TFEB: variants seen among roughly 807,000 people sequenced by gnomAD.
The protein encoded by TFEB is transcription factor EB.
A neutral mutation model predicts 48.0 loss-of-function variants in TFEB; 12 were observed. That is an observed-to-expected ratio of 0.25 (90% CI 0.16 to 0.40). The LOEUF (loss-of-function observed/expected upper bound fraction) is 0.40, where lower values mean the gene tolerates loss of function less well. Among genes scored for constraint, TFEB ranks in the 10% least tolerant of loss-of-function variants. TFEB has a pLI of 1.00. For synonymous variants in TFEB, 244 were observed against 261.4 expected (o/e 0.93, Z 0.64); for missense variants, 509 against 640.3 (o/e 0.79, Z 2.21).
intron 4 of TFEB, among the ~76,000 whole-genome samples, chr6:41,689,308 G>C (rs1448482337): frequency 6.6e-6 from 1 of 152,160 alleles, no homozygotes; most frequent in African/African-American, 2.4e-5. Context: ...ACACAGACAG[G>C]CTTTTGCCTG....
At chr6:41,704,026 A>T (rs1770075393) in intron 1 of TFEB, among the ~76,000 whole-genome samples, 1 of 152,180 alleles carries the variant, frequency 6.6e-6, no homozygotes, top group Non-Finnish European at 1.5e-5. Context: ...TCTTGAGCCC[A>T]TCAGTGAAGG....
chr6:41,718,833 A>G (rs1422191738), intron 1 of TFEB, among the ~76,000 whole-genome samples: 1 of 152,186 alleles, frequency 6.6e-6, no homozygotes, highest in Non-Finnish European at 1.5e-5. Flanking sequence ...AGCAGGCCCA[A>G]ACACAATCCG....
intron 4 of TFEB, among the ~76,000 whole-genome samples, chr6:41,689,464 C>T (rs1188530763): frequency 1.3e-5 from 2 of 152,196 alleles, no homozygotes. Flanking sequence ...TGGAAAGCTC[C>T]CCCCACAGGC....
chr6:41,690,347 C>A (rs1769234228), intron 3 of TFEB, among the ~76,000 whole-genome samples: 1 of 152,080 alleles, frequency 6.6e-6, no homozygotes. Flanking sequence ...CCAGGCTGTT[C>A]TCAAACTCCT....
chr6:41,732,591 A>C, intron 1 of TFEB: 1 of 985,808 alleles, frequency 1.0e-6, no homozygotes, highest in Non-Finnish European at 1.2e-6. Context: ...CACACACACA[A>C]ACTCACAACC....
chr6:41,690,656 C>CA lies in TFEB; in HGVS notation c.468+6dup, dbSNP rs1477840376. 1 of 1,513,400 alleles carries CA rather than the reference C, an allele frequency of 6.6e-7. No homozygotes were observed. The highest frequency in any genetic ancestry group is 1.4e-5 in the African/African-American group (1 of 72,180). 93.7% of individuals were successfully genotyped at this position (1,513,400 alleles called of 1,614,324 possible). On this transcript the variant is annotated splice_region_variant and intron_variant, in intron 3 of 8. Coordinates refer to ENST00000373033, the MANE Select transcript of TFEB (RefSeq NM_001271944.2). Reference sequence around the variant, plus strand: ...GCAGCATGGCCACTGGCCAGCTCCTCACTCACCTCCCTCTCAGGGTTGGAG... The same window carrying CA: ...GCAGCATGGCCACTGGCCAGCTCCTCAACTCACCTCCCTCTCAGGGTTGGAG...
intron 1 of TFEB, chr6:41,732,504 T>G (rs901977046): frequency 1.2e-6 from 1 of 848,624 alleles, no homozygotes; most frequent in African/African-American, 1.8e-5. Context: ...TCTATTAATA[T>G]AATCTTGTTT....
intron 1 of TFEB, chr6:41,732,870 A>G: frequency 1.0e-6 from 1 of 985,772 alleles, no homozygotes; most frequent in African/African-American, 1.7e-5. Context: ...GGCAGCCCCA[A>G]GCCAGGCCCC....
intron 8 of TFEB, 125 bp from the exon 9 acceptor site, chr6:41,685,203 C>T (rs1768936681): frequency 4.1e-6 from 5 of 1,231,660 alleles, no homozygotes; most frequent in Non-Finnish European, 4.2e-6. Context: ...AAAGTGTTTC[C>T]GCTGGAAGAA....
intron 1 of TFEB, among the ~76,000 whole-genome samples, chr6:41,700,623 G>A (rs947205641): frequency 1.3e-5 from 2 of 152,194 alleles, no homozygotes; most frequent in Non-Finnish European, 2.9e-5. Context: ...GCAGGAATGC[G>A]CTGCGGGAGA....
intron 3 of TFEB, among the ~76,000 whole-genome samples, chr6:41,690,168 T>C (rs1769222807): frequency 6.6e-6 from 1 of 151,816 alleles, no homozygotes; most frequent in African/African-American, 2.4e-5. Context: ...TCTCACTCTG[T>C]CGCCCAGGCT....
chr6:41,692,858 G>T (rs1218823834), intron 1 of TFEB, among the ~76,000 whole-genome samples: 1 of 152,222 alleles, frequency 6.6e-6, no homozygotes, highest in South Asian at 2.1e-4. Context: ...TGACTTTGTG[G>T]TTGAGCAAGG....
intron 1 of TFEB, among the ~76,000 whole-genome samples, chr6:41,695,200 G>C (rs1769513910): frequency 6.6e-6 from 1 of 152,196 alleles, no homozygotes. Context: ...TGGGGCCATT[G>C]GGGGGATTCA....
In TFEB at chr6:41,735,399, A is replaced by G; in HGVS notation, c.-72T>C. 2 of 985,608 alleles carry G rather than the reference A, an allele frequency of 2.0e-6. No homozygotes were observed. Among genetic ancestry groups the G allele is most frequent in the Non-Finnish European group, 2.4e-6 (2 of 830,488 alleles). The allele number at this position is 985,608 out of a possible 1,614,324, so 61.1% of individuals were successfully genotyped here. On this transcript the variant is annotated 5_prime_UTR_variant, in exon 1 of 9. Transcript: ENST00000373033. ...GCCGCCCGCGCCCCGCGGCTCCGGC[A>G]ACTTGTCGCAAGTTCGGGTGCCTGG...
chr6:41,705,274 C>T (rs1283624359), intron 1 of TFEB, among the ~76,000 whole-genome samples: 2 of 152,158 alleles, frequency 1.3e-5, no homozygotes. Context: ...CTCCCACCTG[C>T]CTAAACCCCA....
chr6:41,684,661 C>A lies in TFEB; in HGVS notation c.1369G>T (p.Glu457Ter). The stretch of plus-strand genomic sequence containing the variant: ...CGGCGGCTGCTGGCCTTGGAGGCCT[C>A]GGGGGACATGGTGGACAGAAGTGGA... ...SDPLLSTMSP[E>*]ASKASSRRSS... The change falls in exon 9 of 9, where the codon GAG becomes TAG. Residue 457 changes from glutamate (E) to a stop codon, truncating the protein, a stop_gained. Coordinates refer to ENST00000373033, the MANE Select transcript of TFEB (RefSeq NM_001271944.2). LOFTEE classifies it high-confidence loss of function. The A allele has an allele frequency of 6.2e-7, 1 of 1,612,400 alleles. No individual in the cohort carries two copies. The highest frequency in any genetic ancestry group is 8.5e-7 in the Non-Finnish European group (1 of 1,179,346).
At chr6:41,687,861 G>A (rs755367053) in intron 5 of TFEB, 47 bp downstream of exon 5, 3 of 1,610,050 alleles carry the variant, frequency 1.9e-6, no homozygotes, top group Admixed American at 1.7e-5. Flanking sequence ...GAGAAAAGGA[G>A]GGAGGAGTCG....
chr6:41,731,978 G>A (rs1253813661), intron 1 of TFEB, among the ~76,000 whole-genome samples: 1 of 152,204 alleles, frequency 6.6e-6, no homozygotes, highest in Non-Finnish European at 1.5e-5. Context: ...AGAAAGGCCA[G>A]GAAACAGGTA....
intron 1 of TFEB, among the ~76,000 whole-genome samples, chr6:41,703,736 T>C (rs1770057279): frequency 6.6e-6 from 1 of 152,244 alleles, no homozygotes; most frequent in Non-Finnish European, 1.5e-5. Flanking sequence ...CAAGAGGCAT[T>C]AGTACTATGC....
Sources: gnomAD v4.1 joint callset for allele counts (sites outside exome capture counted in the v4.1 genomes callset) on GRCh38, gnomAD v4.1.1 for gene constraint, MANE v1.5 for transcripts, NCBI Gene and HGNC (gene_info 2026-07-23, HGNC 2026-07-21) for gene names.